UNC5D: variants seen among roughly 807,000 people sequenced by gnomAD.
UNC5D encodes the protein unc-5 netrin receptor D.
In UNC5D, 39 loss-of-function variants were observed where a neutral mutation model predicts 105.4. That is an observed-to-expected ratio of 0.37 (90% CI 0.29 to 0.48). The LOEUF is 0.48. Ranked by LOEUF, UNC5D falls within the 20% of genes least tolerant of loss-of-function variation. The pLI, the probability that UNC5D is intolerant of heterozygous loss-of-function variation, is 0.98. For missense variants in UNC5D, 991 were observed against 1,202.4 expected (o/e 0.82, Z 2.60); for synonymous variants, 452 against 450.4 (o/e 1.00, Z -0.04).
At chr8:35,768,904 G>T (rs574411993) in intron 15 of UNC5D, among the ~76,000 whole-genome samples, 7 of 152,258 alleles carry the variant, frequency 4.6e-5, no homozygotes, top group Admixed American at 4.6e-4. Context: ...GAGGGCTGCT[G>T]CATTTTAGAG....
At chr8:35,340,611 T>C (rs1039476209) in intron 1 of UNC5D, among the ~76,000 whole-genome samples, 10 of 152,138 alleles carry the variant, frequency 6.6e-5, no homozygotes, top group African/African-American at 2.4e-4. Context: ...AGGTCCAGAA[T>C]TCATTGTTCA....
At chr8:35,374,058 A>G (rs1802561482) in intron 1 of UNC5D, among the ~76,000 whole-genome samples, 1 of 152,180 alleles carries the variant, frequency 6.6e-6, no homozygotes, top group Non-Finnish European at 1.5e-5. Context: ...TTGCAGAGAG[A>G]TCCTGTGGGT....
intron 1 of UNC5D, among the ~76,000 whole-genome samples, chr8:35,537,376 C>T (rs1276948559): frequency 6.6e-6 from 1 of 152,166 alleles, no homozygotes; most frequent in South Asian, 2.1e-4. Flanking sequence ...AATTTGCATA[C>T]TCCTTTTGAA....
rs1554538816 is a variant in UNC5D, at chr8:35,470,807, T to TAAATAAATAAATA, written c.104-78478_104-78477insTAAATAAAATAAA. ...ATAAATAAATAAATAAATAAATAAA[T>TAAATAAATAAATA]AAATAAAATAAAAAGAATGAGCAGA... On this transcript the variant is annotated intron_variant, in intron 1 of 16. Transcript: ENST00000404895. 1.2e-3 allele frequency among the ~76,000 whole-genome samples: 158 copies of TAAATAAATAAATA among 130,516 alleles called. 1 individual carries two copies. Among genetic ancestry groups the TAAATAAATAAATA allele is most frequent in the African/African-American group, 2.9e-3 (101 of 34,700 alleles). 85.6% of individuals were successfully genotyped at this position (130,516 alleles called of 152,430 possible).
intron 1 of UNC5D, among the ~76,000 whole-genome samples, chr8:35,515,684 C>A (rs1243866362): frequency 6.6e-6 from 1 of 152,110 alleles, no homozygotes; most frequent in Non-Finnish European, 1.5e-5. Context: ...GACTCTGTCT[C>A]AAAAAACAAA....
intron 9 of UNC5D, 64 bp downstream of exon 9, chr8:35,722,459 C>T (rs1828634942): frequency 1.3e-6 from 2 of 1,538,148 alleles, no homozygotes; most frequent in East Asian, 2.3e-5. Context: ...ACACTAGACC[C>T]CAGCCTTCTC....
chr8:35,766,802 G>GTCTTCA lies in UNC5D; in HGVS notation c.2314-98_2314-97insTTCATC, dbSNP rs146488837. On this transcript the variant is annotated intron_variant, in intron 14 of 16. Coordinates refer to ENST00000404895, the MANE Select transcript of UNC5D (RefSeq NM_080872.4). Reference sequence around the variant, plus strand: ...TGTGATTGTCCTCATCGTTGTTGTTGTCGTCATCATCATCATCATCATCAC... The same window carrying GTCTTCA: ...TGTGATTGTCCTCATCGTTGTTGTTGTCTTCATCGTCATCATCATCATCATCATCAC... The GTCTTCA allele has an allele frequency of 7.0e-5, 94 of 1,339,684 alleles. No individual in the cohort carries two copies. The African/African-American group carries it at 1.3e-3, about 19-fold the overall frequency. The allele number at this position is 1,339,684 out of a possible 1,614,324, so 83.0% of individuals were successfully genotyped here.
chr8:35,453,481 AG>A, intron 1 of UNC5D, among the ~76,000 whole-genome samples: 1 of 152,294 alleles, frequency 6.6e-6, no homozygotes, highest in Non-Finnish European at 1.5e-5. Flanking sequence ...TTATTATTTG[AG>A]GCAGGTAGTA....
chr8:35,702,023 A>G (rs1011389750), intron 7 of UNC5D, among the ~76,000 whole-genome samples: 1 of 151,910 alleles, frequency 6.6e-6, no homozygotes, highest in African/African-American at 2.4e-5. Context: ...TAAAACACTT[A>G]AAAATGTTTG....
chr8:35,295,333 T>C (rs761493268), intron 1 of UNC5D, among the ~76,000 whole-genome samples: 6 of 152,188 alleles, frequency 3.9e-5, no homozygotes, highest in Non-Finnish European at 5.9e-5. Flanking sequence ...TTTTCTTAAG[T>C]TGTACAATAT....
At chr8:35,651,993 A>G (rs889194179) in intron 4 of UNC5D, among the ~76,000 whole-genome samples, 1 of 152,146 alleles carries the variant, frequency 6.6e-6, no homozygotes, top group African/African-American at 2.4e-5. Flanking sequence ...GTGCCAATGT[A>G]TAGGTGATTC....
At chr8:35,769,307 TA>T (rs1172385841) in intron 15 of UNC5D, among the ~76,000 whole-genome samples, 1 of 152,158 alleles carries the variant, frequency 6.6e-6, no homozygotes, top group Non-Finnish European at 1.5e-5. Flanking sequence ...ACTACTCCAC[TA>T]CACTACTTCT....
chr8:35,598,480 A>C (rs1819627719), intron 4 of UNC5D, among the ~76,000 whole-genome samples: 1 of 152,270 alleles, frequency 6.6e-6, no homozygotes, highest in South Asian at 2.1e-4. Context: ...ATTATGGAAA[A>C]CAGTATGGAC....
At chr8:35,384,908 G>A (rs1294072122) in intron 1 of UNC5D, among the ~76,000 whole-genome samples, 2 of 152,188 alleles carry the variant, frequency 1.3e-5, no homozygotes, top group Admixed American at 6.5e-5. Context: ...TTTGGAATCT[G>A]CATAGAAGGG....
chr8:35,435,935 G>A (rs1286064843), intron 1 of UNC5D, among the ~76,000 whole-genome samples: 4 of 151,746 alleles, frequency 2.6e-5, no homozygotes, highest in Admixed American at 6.6e-5. Flanking sequence ...TTATTTTCTT[G>A]GAAATAAGCA....
intron 1 of UNC5D, among the ~76,000 whole-genome samples, chr8:35,462,702 CAT>C (rs1808988395): frequency 2.0e-5 from 3 of 152,152 alleles, no homozygotes; most frequent in Admixed American, 2.0e-4. Context: ...AAAAGAAAGT[CAT>C]ATCAAGGAAA....
chr8:35,574,072 C>T (rs903854961), intron 3 of UNC5D, among the ~76,000 whole-genome samples: 7 of 152,168 alleles, frequency 4.6e-5, no homozygotes, highest in Non-Finnish European at 8.8e-5. Flanking sequence ...TGCTGCTGGA[C>T]GGTTGTCAAA....
intron 1 of UNC5D, among the ~76,000 whole-genome samples, chr8:35,510,140 G>A (rs1586011057): frequency 6.6e-6 from 1 of 151,872 alleles, no homozygotes; most frequent in Admixed American, 6.6e-5. Flanking sequence ...TTGGCTAATG[G>A]TGATTCACTC....
chr8:35,536,765 A>T (rs1023774492), intron 1 of UNC5D, among the ~76,000 whole-genome samples: 1 of 152,180 alleles, frequency 6.6e-6, no homozygotes, highest in African/African-American at 2.4e-5. Flanking sequence ...TGGGAGGCTG[A>T]GGTGGGCTGA....
Sources: gnomAD v4.1 joint callset for allele counts (sites outside exome capture counted in the v4.1 genomes callset) on GRCh38, gnomAD v4.1.1 for gene constraint, MANE v1.5 for transcripts, NCBI Gene and HGNC (gene_info 2026-07-23, HGNC 2026-07-21) for gene names.